Variants in SUMF1 observed in about 807,000 individuals in gnomAD.
The protein encoded by SUMF1 is formylglycine-generating enzyme.
Under a neutral mutation model 47.6 loss-of-function variants are expected in SUMF1, and 48 were observed. The observed-to-expected ratio is 1.01, with a 90% CI of 0.80 to 1.28. The LOEUF is 1.28. SUMF1 is among the 50% of genes most tolerant of loss of function. SUMF1 has a pLI of 0.00. For synonymous variants in SUMF1, 230 were observed against 192.1 expected, an observed-to-expected ratio of 1.20 and a Z score of -1.63; for missense variants, 571 against 485.4, an observed-to-expected ratio of 1.18 and a Z score of -1.66.
intron 8 of SUMF1, among the ~76,000 whole-genome samples, chr3:4,205,779 G>A (rs1695638306): frequency 1.3e-5 from 2 of 152,044 alleles, no homozygotes; most frequent in African/African-American, 2.4e-5. Context: ...TTCTCCCACA[G>A]AGTCTCTCTC....
chr3:4,167,599 A>G (rs1343327090), intron 8 of SUMF1, among the ~76,000 whole-genome samples: 3 of 152,104 alleles, frequency 2.0e-5, no homozygotes, highest in African/African-American at 7.3e-5. Context: ...CAGAGCGCTG[A>G]TTGGTGCATT....
At chr3:4,267,239 T>A (rs1369524739) in intron 8 of SUMF1, among the ~76,000 whole-genome samples, 1 of 152,198 alleles carries the variant, frequency 6.6e-6, no homozygotes, top group Non-Finnish European at 1.5e-5. Context: ...GCTGGCCTCA[T>A]AAAATGAGTT....
Position 4,177,947 on chromosome 3 carries a change from T to C in SUMF1, c.1015-109202A>G, listed in dbSNP as rs945535218. ...AATAAACTAGAAAATCTAGAAGAAA[T>C]GGATAAATTCCTGGACACATACACC... On this transcript the variant is annotated intron_variant and NMD_transcript_variant, in intron 8 of 12. Coordinates refer to the SUMF1 transcript ENST00000448413. Among the ~76,000 whole-genome samples, 3 of 152,060 alleles carry C rather than the reference T, an allele frequency of 2.0e-5. No homozygotes were observed. The East Asian group carries it at 5.8e-4, about 29-fold the overall frequency.
At chr3:4,129,235 G>C (rs181319113) in intron 8 of SUMF1, among the ~76,000 whole-genome samples, 14 of 152,208 alleles carry the variant, frequency 9.2e-5, no homozygotes, top group Non-Finnish European at 1.9e-4. Flanking sequence ...GGAAGAATTG[G>C]ATCCCAAGGT....
At chr3:4,353,308 A>G (rs1490682816) in intron 8 of SUMF1, among the ~76,000 whole-genome samples, 3 of 152,212 alleles carry the variant, frequency 2.0e-5, no homozygotes, top group African/African-American at 4.8e-5. Context: ...GCTGGAGTAC[A>G]GTGGCGTGAT....
intron 8 of SUMF1, among the ~76,000 whole-genome samples, chr3:4,228,056 G>C (rs1262669184): frequency 2.0e-5 from 3 of 151,976 alleles, no homozygotes; most frequent in Admixed American, 2.0e-4. Context: ...AGAGTTTCCT[G>C]CAGGAACTAA....
At chr3:4,097,911 T>G (rs770728119) in intron 8 of SUMF1, among the ~76,000 whole-genome samples, 2 of 152,108 alleles carry the variant, frequency 1.3e-5, no homozygotes, top group Admixed American at 6.5e-5. Flanking sequence ...AAGAGAGACA[T>G]GCTTCCAAAA....
chr3:4,317,255 C>A, intron 8 of SUMF1: 1 of 1,510,830 alleles, frequency 6.6e-7, no homozygotes, highest in South Asian at 1.2e-5. Context: ...AATAAAAATG[C>A]GTTGAGCCTA....
At chr3:4,336,498 A>G (rs1699156216) in intron 8 of SUMF1, among the ~76,000 whole-genome samples, 1 of 152,228 alleles carries the variant, frequency 6.6e-6, no homozygotes, top group South Asian at 2.1e-4. Flanking sequence ...ATTTGGGTAC[A>G]AAAGGAAAAA....
At chr3:4,108,816 G>A (rs976731272) in intron 8 of SUMF1, among the ~76,000 whole-genome samples, 1 of 152,088 alleles carries the variant, frequency 6.6e-6, no homozygotes, top group Non-Finnish European at 1.5e-5. Context: ...GCCTATGTGT[G>A]TCCCTGCACG....
Position 4,362,098 on chromosome 3 carries a change from G to A in SUMF1, c.*46C>T. On this transcript the variant is annotated 3_prime_UTR_variant, in exon 9 of 9. Transcript: ENST00000272902. ...AAGTTCTGAGAAAAGCCCAATGTAG[G>A]TCAGACACGACTGCTCCTTGGACTG... 6.4e-7 allele frequency: 1 copy of A among 1,566,992 alleles called. No homozygotes were observed. Among genetic ancestry groups the A allele is most frequent in the South Asian group, 1.1e-5 (1 of 90,024 alleles).
chr3:4,423,855 C>T (rs1037339067), intron 3 of SUMF1, among the ~76,000 whole-genome samples: 2 of 152,074 alleles, frequency 1.3e-5, no homozygotes, highest in Admixed American at 6.6e-5. Flanking sequence ...TGTATGGCGC[C>T]TCCCTCCACC....
intron 8 of SUMF1, among the ~76,000 whole-genome samples, chr3:4,249,563 G>C (rs550188393): frequency 1.3e-5 from 2 of 152,208 alleles, no homozygotes; most frequent in Admixed American, 6.5e-5. Context: ...ATAAATGTTT[G>C]TGTTCTGACT....
intron 8 of SUMF1, among the ~76,000 whole-genome samples, chr3:4,237,661 G>A (rs1480518089): frequency 6.6e-6 from 1 of 152,012 alleles, no homozygotes; most frequent in African/African-American, 2.4e-5. Flanking sequence ...TTCCTTTCAT[G>A]AATTGTGCCT....
At chr3:4,244,066 G>T (rs1161841779) in intron 8 of SUMF1, among the ~76,000 whole-genome samples, 2 of 152,142 alleles carry the variant, frequency 1.3e-5, no homozygotes, top group Admixed American at 1.3e-4. Context: ...TTTTATGAGA[G>T]ACTAGGATTG....
At chr3:4,450,131 CT>C (rs1476298034) in intron 2 of SUMF1, among the ~76,000 whole-genome samples, 5 of 152,186 alleles carry the variant, frequency 3.3e-5, no homozygotes, top group African/African-American at 9.7e-5. Context: ...CATATTGCTG[CT>C]CCCCAACACC....
intron 8 of SUMF1, among the ~76,000 whole-genome samples, chr3:4,299,881 G>A (rs1697927953): frequency 6.6e-6 from 1 of 152,198 alleles, no homozygotes; most frequent in African/African-American, 2.4e-5. Flanking sequence ...ATTTCCCATG[G>A]TCAGAAATTT....
At chr3:4,438,424 T>C (rs539026337) in intron 3 of SUMF1, among the ~76,000 whole-genome samples, 129 of 152,276 alleles carry the variant, frequency 8.5e-4, no homozygotes, top group African/African-American at 2.9e-3. Flanking sequence ...TAAGTCAGTT[T>C]GCCTACCCTC....
In SUMF1 at chr3:4,223,145, C is replaced by T. The variant is rs73806948; in HGVS notation, c.1014+153185G>A. On this transcript the variant is annotated intron_variant and NMD_transcript_variant, in intron 8 of 12. Transcript: ENST00000448413. ...AAAAAATACCTGACAAATAGAATAG[C>T]TTTTACTAATAGCATCAGCTCTCTG... 8.0e-3 allele frequency among the ~76,000 whole-genome samples: 1,221 copies of T among 152,172 alleles called. 20 individuals carry two copies. The highest frequency in any genetic ancestry group is 0.028 in the African/African-American group (1,160 of 41,512).
Sources: allele counts gnomAD v4.1 joint callset (sites outside exome capture counted in the v4.1 genomes callset), GRCh38; gene constraint gnomAD v4.1.1; transcripts MANE v1.5; gene names NCBI Gene and HGNC (gene_info 2026-07-23, HGNC 2026-07-21).